PLEKHA5: variants seen among roughly 807,000 people sequenced by gnomAD.
PLEKHA5 encodes pleckstrin homology domain-containing family A member 5.
Under a neutral mutation model 181.9 loss-of-function variants are expected in PLEKHA5, and 55 were observed. The ratio of observed to expected loss-of-function variants is 0.30; its 90% CI spans 0.24 to 0.38. PLEKHA5 has a LOEUF of 0.38. Ranked by LOEUF, PLEKHA5 falls within the 10% of genes least tolerant of loss-of-function variation. The probability of loss-of-function intolerance (pLI) is 1.00; values close to 1 mark genes in which losing one functional copy is unlikely to be tolerated. For synonymous variants in PLEKHA5, 535 were observed against 529.4 expected, an observed-to-expected ratio of 1.01 and a Z score of -0.15; for missense variants, 1,432 against 1,549.5, an observed-to-expected ratio of 0.92 and a Z score of 1.27.
intron 20 of PLEKHA5, among the ~76,000 whole-genome samples, chr12:19,324,684 G>A (rs1460198232): frequency 1.3e-5 from 2 of 152,116 alleles, no homozygotes; most frequent in African/African-American, 4.8e-5. Context: ...AGTGAAGAGT[G>A]GTTTATTCAA....
Position 19,130,102 on chromosome 12 carries a change from G to A in PLEKHA5, c.141G>A (p.Val47=), listed in dbSNP as rs1196016303. Residue 47 remains valine, a synonymous_variant, in exon 2 of 32, where the codon GTG becomes GTA. Transcript: ENST00000429027. The surrounding 1 kb of genome is among the most constrained non-coding windows in gnomAD (Gnocchi z 4.5). ...TGCACCCCGTCACCGGCGAGGCGGT[G>A]GTCACCGGACACCGGCGGCAGAGCA... is the stretch of plus-strand genomic sequence containing the variant. ...TWLHPVTGEA[V]VTGHRRQSTD... 5 of 1,586,216 alleles carry A rather than the reference G, an allele frequency of 3.2e-6. No individual in the cohort carries two copies. The African/African-American group carries it at 4.1e-5, about 13-fold the overall frequency.
intron 11 of PLEKHA5, among the ~76,000 whole-genome samples, chr12:19,276,698 C>T (rs928500999): frequency 1.3e-5 from 2 of 152,104 alleles, no homozygotes; most frequent in African/African-American, 4.8e-5. Flanking sequence ...AAAATGACAC[C>T]CTGCCTTTTA....
At chr12:19,189,424 T>G (rs1410196358) in intron 3 of PLEKHA5, among the ~76,000 whole-genome samples, 1 of 152,154 alleles carries the variant, frequency 6.6e-6, no homozygotes, top group Non-Finnish European at 1.5e-5. Context: ...ATAGGATTTC[T>G]TGGGTTAGAA....
chr12:19,144,331 G>A (rs989682380), intron 3 of PLEKHA5, among the ~76,000 whole-genome samples: 4 of 152,120 alleles, frequency 2.6e-5, no homozygotes, highest in Admixed American at 2.6e-4. Context: ...AGTTCCATGC[G>A]GTATAACTGA....
chr12:19,250,782 T>C (rs2152519060), intron 3 of PLEKHA5, among the ~76,000 whole-genome samples: 1 of 152,308 alleles, frequency 6.6e-6, no homozygotes, highest in South Asian at 2.1e-4. Context: ...TTTAATAGGA[T>C]AGTGATATGT....
At chr12:19,254,844 C>T (rs2066413198) in intron 4 of PLEKHA5, among the ~76,000 whole-genome samples, 1 of 152,058 alleles carries the variant, frequency 6.6e-6, no homozygotes, top group South Asian at 2.1e-4. Context: ...AATAAATAAA[C>T]ATGATAATAA....
At chr12:19,249,498 T>A (rs565518185) in intron 3 of PLEKHA5, among the ~76,000 whole-genome samples, 22 of 152,316 alleles carry the variant, frequency 1.4e-4, no homozygotes, top group African/African-American at 4.8e-4. Context: ...TTAAGAATTG[T>A]TTATTTCTGG....
chr12:19,306,541 C>T, intron 15 of PLEKHA5: 1 of 748,982 alleles, frequency 1.3e-6, no homozygotes, highest in Non-Finnish European at 2.5e-6. Flanking sequence ...CCGCGAGCAG[C>T]GCCGTGAGCA....
At chr12:19,362,324 A>G (rs573264215) in intron 29 of PLEKHA5, among the ~76,000 whole-genome samples, 2 of 152,196 alleles carry the variant, frequency 1.3e-5, no homozygotes, top group South Asian at 4.1e-4. Flanking sequence ...ACTAGAAGTC[A>G]GGAGTTTGAG....
intron 3 of PLEKHA5, among the ~76,000 whole-genome samples, chr12:19,230,938 T>A (rs766548534): frequency 6.6e-6 from 1 of 152,226 alleles, no homozygotes; most frequent in African/African-American, 2.4e-5. Flanking sequence ...GGACAACTTA[T>A]GAAGTCAGTT....
Position 19,210,910 on chromosome 12 carries a change from CAA to C in PLEKHA5, c.228-43029_228-43028del, listed in dbSNP as rs989083518. 1.5e-4 allele frequency among the ~76,000 whole-genome samples: 23 copies of C among 151,890 alleles called. No homozygotes were observed. In the Middle Eastern group the frequency reaches 0.01, roughly 67 times the overall value. ...ACTTTCTAAAGAGTTGATAAGGAAA[CAA>C]TTTTTTTTTTTATATTTGAAGAGTT... On this transcript the variant is annotated intron_variant, in intron 3 of 31. Coordinates refer to ENST00000429027, the MANE Select transcript of PLEKHA5 (RefSeq NM_001256470.2).
At chr12:19,319,919 T>C in intron 16 of PLEKHA5, 102 bp from the exon 17 acceptor site, 1 of 675,234 alleles carries the variant, frequency 1.5e-6, no homozygotes, top group East Asian at 3.3e-5. Flanking sequence ...TTTATGAAAT[T>C]TGACTATCCA....
At chr12:19,267,190 AG>A (rs780299142) in intron 8 of PLEKHA5, among the ~76,000 whole-genome samples, 2 of 152,312 alleles carry the variant, frequency 1.3e-5, no homozygotes, top group South Asian at 2.1e-4. Flanking sequence ...TTTTAGAGTA[AG>A]GAACTATAAG....
In PLEKHA5 at chr12:19,288,454, G is replaced by T. The variant is rs1592335298; in HGVS notation, c.1863+898G>T. 3.3e-5 allele frequency among the ~76,000 whole-genome samples: 5 copies of T among 152,202 alleles called. No homozygotes were observed. In the East Asian group the frequency reaches 9.6e-4, roughly 29 times the overall value. Reference sequence around the variant, plus strand: ...TTTCCTCACTTCAGTTTATTTTAATGGTATTCTTTTATCAGGGGCACTGGC... The same window carrying T: ...TTTCCTCACTTCAGTTTATTTTAATTGTATTCTTTTATCAGGGGCACTGGC... On this transcript the variant is annotated intron_variant, in intron 13 of 31. Transcript: ENST00000429027.
chr12:19,272,057 A>G (rs1308963750), intron 10 of PLEKHA5, among the ~76,000 whole-genome samples: 1 of 152,184 alleles, frequency 6.6e-6, no homozygotes, highest in African/African-American at 2.4e-5. Context: ...CTGTAATACA[A>G]CATCCAGTTT....
At chr12:19,184,137 T>C (rs1025075277) in intron 3 of PLEKHA5, among the ~76,000 whole-genome samples, 1 of 152,208 alleles carries the variant, frequency 6.6e-6, no homozygotes, top group African/African-American at 2.4e-5. Flanking sequence ...TATTATTATT[T>C]TAAAAGTAAT....
intron 15 of PLEKHA5, chr12:19,306,370 G>A (rs1165826881): frequency 2.0e-6 from 1 of 497,714 alleles, no homozygotes; most frequent in Admixed American, 2.4e-5. Flanking sequence ...CAACTAGCGT[G>A]CTCTCTTCCC....
At chr12:19,216,469 C>G (rs2057993933) in intron 3 of PLEKHA5, among the ~76,000 whole-genome samples, 1 of 152,080 alleles carries the variant, frequency 6.6e-6, no homozygotes, top group African/African-American at 2.4e-5. Context: ...TCGAGACCAG[C>G]CTGGCCAACA....
chr12:19,302,042 G>A (rs578250191), intron 15 of PLEKHA5, among the ~76,000 whole-genome samples: 1 of 152,268 alleles, frequency 6.6e-6, no homozygotes, highest in Admixed American at 6.5e-5. Context: ...TAGTTTTGCT[G>A]CACATCTTAA....
Sources: allele counts gnomAD v4.1 joint callset (sites outside exome capture counted in the v4.1 genomes callset), GRCh38; gene constraint gnomAD v4.1.1; non-coding constraint Gnocchi (gnomAD v3.1); transcripts MANE v1.5; gene names NCBI Gene and HGNC (gene_info 2026-07-23, HGNC 2026-07-21).